PTPRG: variants seen among roughly 807,000 people sequenced by gnomAD.
PTPRG encodes the protein receptor-type tyrosine-protein phosphatase gamma.
In PTPRG, 102 loss-of-function variants were observed where a neutral mutation model predicts 165.3. The observed-to-expected ratio is 0.62, with a 90% CI of 0.53 to 0.73. PTPRG has a LOEUF of 0.73. Among genes scored for constraint, PTPRG ranks in the 30% least tolerant of loss-of-function variants. The pLI, the probability that PTPRG is intolerant of heterozygous loss-of-function variation, is 0.00. For missense variants in PTPRG, 1,866 were observed against 1,861.4 expected (o/e 1.00, Z -0.05); for synonymous variants, 675 against 669.5 (o/e 1.01, Z -0.13).
At chr3:61,667,794 TAAAA>T (rs60917362) in intron 1 of PTPRG, among the ~76,000 whole-genome samples, 17 of 141,856 alleles carry the variant, frequency 1.2e-4, no homozygotes, top group Non-Finnish European at 4.7e-5. Flanking sequence ...TTTTTTTAAT[TAAAA>T]AAAAAAAAAA....
At chr3:61,742,411 T>G in intron 1 of PTPRG, 2 of 1,228,012 alleles carry the variant, frequency 1.6e-6, no homozygotes. Context: ...GAATTTTTTT[T>G]TTTTTTTTTT....
intron 4 of PTPRG, among the ~76,000 whole-genome samples, chr3:62,025,675 A>G (rs2041788914): frequency 6.6e-6 from 1 of 152,198 alleles, no homozygotes; most frequent in East Asian, 1.9e-4. Context: ...AAAAATTGCC[A>G]AGCTTCAGAA....
intron 17 of PTPRG, 83 bp downstream of exon 17, chr3:62,262,977 G>A (rs931249744): frequency 1.0e-6 from 1 of 953,824 alleles, no homozygotes; most frequent in African/African-American, 1.7e-5. Flanking sequence ...CAAGCAGTCA[G>A]AAGCAGGATG....
chr3:61,885,570 C>T (rs1315219690), intron 2 of PTPRG, among the ~76,000 whole-genome samples: 1 of 150,072 alleles, frequency 6.7e-6, no homozygotes, highest in Non-Finnish European at 1.5e-5. Context: ...GTCAAACAAT[C>T]CATTTTATCA....
At chr3:62,025,571 G>A (rs1301525578) in intron 4 of PTPRG, among the ~76,000 whole-genome samples, 1 of 152,102 alleles carries the variant, frequency 6.6e-6, no homozygotes, top group Non-Finnish European at 1.5e-5. Context: ...GCCGTAAAAT[G>A]TAACCATTAT....
At chr3:61,919,069 C>T (rs1401920107) in intron 2 of PTPRG, among the ~76,000 whole-genome samples, 1 of 152,138 alleles carries the variant, frequency 6.6e-6, no homozygotes, top group African/African-American at 2.4e-5. Flanking sequence ...CTAAAATGTT[C>T]CCAAAAGTCG....
At chr3:62,059,080 C>T (rs1191949654) in intron 4 of PTPRG, among the ~76,000 whole-genome samples, 1 of 152,190 alleles carries the variant, frequency 6.6e-6, no homozygotes, top group African/African-American at 2.4e-5. Flanking sequence ...GTCACTGGAT[C>T]CCTAACTGTT....
intron 1 of PTPRG, among the ~76,000 whole-genome samples, chr3:61,669,465 G>T (rs1196097881): frequency 6.6e-6 from 1 of 152,136 alleles, no homozygotes; most frequent in South Asian, 2.1e-4. Context: ...GTCTGCAGGG[G>T]CATCCATTCC....
intron 5 of PTPRG, among the ~76,000 whole-genome samples, chr3:62,131,398 A>G (rs1703509041): frequency 6.6e-6 from 1 of 152,192 alleles, no homozygotes; most frequent in Non-Finnish European, 1.5e-5. Context: ...GTCAGAGAGG[A>G]CACACTAGGA....
chr3:61,973,731 T>C (rs889446617), intron 2 of PTPRG, among the ~76,000 whole-genome samples: 3 of 151,378 alleles, frequency 2.0e-5, no homozygotes, highest in African/African-American at 7.3e-5. Flanking sequence ...ACTCGGGAGG[T>C]TGAGGCAGGG....
intron 6 of PTPRG, among the ~76,000 whole-genome samples, chr3:62,150,087 A>C (rs966189169): frequency 2.0e-5 from 3 of 152,168 alleles, no homozygotes; most frequent in African/African-American, 7.2e-5. Flanking sequence ...CTGCCCTTGA[A>C]ATTGCTGTTT....
At position 62,255,412 on chromosome 3, in the gene PTPRG, G is replaced by C. The variant is rs188850754; in HGVS notation, c.2559+197G>C. On this transcript the variant is annotated intron_variant, in intron 16 of 29. Transcript: ENST00000474889. This position sits in a 1 kb window ranked among gnomAD's most constrained non-coding sequence, Gnocchi z 4.0. ...GGTGAAAGGGGAGTTGATTGTACCT[G>C]TCCTGAATATGTATTTCTACAAAAG... 2.6e-5 allele frequency among the ~76,000 whole-genome samples: 4 copies of C among 152,258 alleles called. No homozygotes were observed. The highest frequency in any genetic ancestry group is 6.5e-5 in the Admixed American group (1 of 15,284).
chr3:62,159,316 G>A (rs1704655925), intron 7 of PTPRG, among the ~76,000 whole-genome samples: 1 of 151,430 alleles, frequency 6.6e-6, no homozygotes, highest in Non-Finnish European at 1.5e-5. Context: ...GGATGACAGA[G>A]TGAGACTGTC....
intron 1 of PTPRG, among the ~76,000 whole-genome samples, chr3:61,666,946 T>G (rs558442961): frequency 2.1e-4 from 32 of 152,346 alleles, no homozygotes; most frequent in Non-Finnish European, 4.3e-4. Flanking sequence ...AATTTAGTAA[T>G]TGTTTTTACA....
chr3:61,985,258 G>A (rs2040730326), intron 2 of PTPRG, among the ~76,000 whole-genome samples: 1 of 152,200 alleles, frequency 6.6e-6, no homozygotes, highest in African/African-American at 2.4e-5. Flanking sequence ...CTTCACTCAA[G>A]TGTCACCGCC....
At chr3:61,680,512 A>C (rs1456723276) in intron 1 of PTPRG, among the ~76,000 whole-genome samples, 4 of 146,754 alleles carry the variant, frequency 2.7e-5, no homozygotes, top group South Asian at 2.3e-4. Context: ...AAAAAAAAAA[A>C]AAAAAACACA....
intron 2 of PTPRG, among the ~76,000 whole-genome samples, chr3:61,942,275 A>G (rs76250829): frequency 0.027 from 4,141 of 152,212 alleles, 163 homozygotes; most frequent in African/African-American, 0.082. Context: ...GTCCTCAGCC[A>G]TCTGTACTGC....
chr3:62,046,883 T>C (rs189841786), intron 4 of PTPRG, among the ~76,000 whole-genome samples: 194 of 152,312 alleles, frequency 1.3e-3, no homozygotes, highest in African/African-American at 4.1e-3. Flanking sequence ...ACTACTACCA[T>C]TTATGGGGCA....
intron 2 of PTPRG, among the ~76,000 whole-genome samples, chr3:61,944,254 G>A (rs894383218): frequency 2.0e-5 from 3 of 152,296 alleles, no homozygotes; most frequent in African/African-American, 7.2e-5. Context: ...TTGGTGTGCA[G>A]AACCACCCTG....
Sources: gnomAD v4.1 joint callset for allele counts (sites outside exome capture counted in the v4.1 genomes callset) on GRCh38, gnomAD v4.1.1 for gene constraint, Gnocchi (gnomAD v3.1) non-coding constraint, MANE v1.5 for transcripts, NCBI Gene and HGNC (gene_info 2026-07-23, HGNC 2026-07-21) for gene names.